Variants in DCAF12 observed in about 807,000 individuals in gnomAD.
The protein encoded by DCAF12 is DDB1- and CUL4-associated factor 12.
In DCAF12, 28 loss-of-function variants were observed where a neutral mutation model predicts 52.8. That is an observed-to-expected ratio of 0.53 (90% CI 0.39 to 0.73). The LOEUF is 0.73. Ranked by LOEUF, DCAF12 falls within the 30% of genes least tolerant of loss-of-function variation. The pLI, the probability that DCAF12 is intolerant of heterozygous loss-of-function variation, is 0.00. For missense variants in DCAF12, 425 were observed against 552.2 expected, an observed-to-expected ratio of 0.77 and a Z score of 2.31; for synonymous variants, 196 against 215.5, an observed-to-expected ratio of 0.91 and a Z score of 0.79.
chr9:34,096,933 C>T (rs535756949), intron 5 of DCAF12, 152 bp from the exon 6 acceptor site: 61 of 654,104 alleles, frequency 9.3e-5, no homozygotes, highest in African/African-American at 6.5e-4. Flanking sequence ...ATTACTTCAC[C>T]CTACAGAACC....
At chr9:34,101,564 G>T (rs181518066) in intron 4 of DCAF12, among the ~76,000 whole-genome samples, 89 of 151,280 alleles carry the variant, frequency 5.9e-4, no homozygotes, top group African/African-American at 2.1e-3. Context: ...GGCTAATTTT[G>T]TATTTTTAGT....
chr9:34,099,766 G>C (rs978260526), intron 4 of DCAF12, among the ~76,000 whole-genome samples: 1 of 150,930 alleles, frequency 6.6e-6, no homozygotes, highest in Non-Finnish European at 1.5e-5. Flanking sequence ...GCTAATTTTT[G>C]TATTTTTAGT....
intron 2 of DCAF12, among the ~76,000 whole-genome samples, chr9:34,111,435 A>G (rs1164043243): frequency 1.3e-5 from 2 of 152,198 alleles, no homozygotes; most frequent in Non-Finnish European, 2.9e-5. Context: ...CTTAGACCAT[A>G]TCGCACTGAT....
At chr9:34,123,235 A>AAGAT (rs1398718384) in intron 2 of DCAF12, among the ~76,000 whole-genome samples, 1 of 152,200 alleles carries the variant, frequency 6.6e-6, no homozygotes, top group Admixed American at 6.5e-5. Flanking sequence ...CCCACCTCTG[A>AAGAT]AATCTTCACA....
intron 7 of DCAF12, 76 bp from the exon 8 acceptor site, chr9:34,089,666 A>G (rs1170080644): frequency 1.4e-6 from 2 of 1,436,072 alleles, no homozygotes; most frequent in Non-Finnish European, 1.9e-6. Flanking sequence ...GAATTTCTCC[A>G]ACACTGAGTT....
intron 4 of DCAF12, among the ~76,000 whole-genome samples, chr9:34,103,822 C>G (rs1286808184): frequency 6.6e-6 from 1 of 152,130 alleles, no homozygotes; most frequent in Non-Finnish European, 1.5e-5. Flanking sequence ...GCCTACATAA[C>G]AGAGTGAGAC....
chr9:34,094,777 A>C (rs962153037), intron 6 of DCAF12, among the ~76,000 whole-genome samples: 1 of 151,830 alleles, frequency 6.6e-6, no homozygotes, highest in African/African-American at 2.4e-5. Context: ...CGATCCGCCC[A>C]CCTTGGCCTC....
In DCAF12 at chr9:34,098,437, G is replaced by A. The variant is rs767663746; in HGVS notation, c.682C>T (p.Arg228Trp). The change falls in exon 5 of 9, where the codon CGG (arginine) becomes TGG (tryptophan). Residue 228 changes from arginine (R) to tryptophan (W), a missense_variant. Around this residue, in one of 3 missense-constraint regions of DCAF12, gnomAD observed 328 missense variants for 444.4 expected, o/e 0.74. Transcript: ENST00000361264. ...GTGATGTGTGCATACACAGGGACCCGTGACACATTGTGTCTCGCATCACTT... is the reference window on the plus strand; with the variant it reads ...GTGATGTGTGCATACACAGGGACCCATGACACATTGTGTCTCGCATCACTT... ...TKSDARHNVS[R>W]VPVYAHITHK... The A allele has an allele frequency of 1.2e-6, 2 of 1,614,148 alleles. No homozygotes were observed. The highest frequency in any genetic ancestry group is 2.2e-5 in the East Asian group (1 of 44,884).
chr9:34,125,605 C>G (rs1250687355), intron 1 of DCAF12: 4 of 483,390 alleles, frequency 8.3e-6, no homozygotes, highest in Admixed American at 4.7e-5. Context: ...ATTCCCATAC[C>G]GACATGGGCT....
rs1453954009 is a variant in DCAF12, at chr9:34,098,394, T to C, written c.725A>G (p.Asp242Gly). The C allele has an allele frequency of 1.9e-6, 3 of 1,614,126 alleles. No homozygotes were observed. Among genetic ancestry groups the C allele is most frequent in the Non-Finnish European group, 2.5e-6 (3 of 1,180,050 alleles). ...AGGGTTTGTGTCTTCTTTGGGGATG[T>C]CCTTTAAGGCCTTGTGAGTGATGTG... is the stretch of plus-strand genomic sequence containing the variant. ...YAHITHKALKDIPKEDTNPDN... is the reference protein window; with the variant it reads ...YAHITHKALKGIPKEDTNPDN... The change falls in exon 5 of 9, where the codon GAC becomes GGC. Residue 242 changes from aspartate (D) to glycine (G), a missense_variant. Asp to Gly is a moderately conservative substitution (Grantham distance 94, BLOSUM62 -1). Around this residue, in one of 3 missense-constraint regions of DCAF12, gnomAD observed 328 missense variants for 444.4 expected, o/e 0.74. Transcript: ENST00000361264.
Position 34,095,140 on chromosome 9 carries a change from T to A in DCAF12, c.861+1576A>T, listed in dbSNP as rs540099121. Among the ~76,000 whole-genome samples the A allele has an allele frequency of 5.6e-4, 85 of 151,822 alleles. 1 individual carries two copies. Among genetic ancestry groups the A allele is most frequent in the Admixed American group, 4.8e-3 (73 of 15,212 alleles). Reference sequence around the variant, plus strand: ...GCCAGGCTGGAGTGCAGTGGCATGATCTCGGCTCACTGCAACCTCTGCCTC... The same window carrying A: ...GCCAGGCTGGAGTGCAGTGGCATGAACTCGGCTCACTGCAACCTCTGCCTC... On this transcript the variant is annotated intron_variant, in intron 6 of 8. Coordinates refer to ENST00000361264, the MANE Select transcript of DCAF12 (RefSeq NM_015397.4).
intron 5 of DCAF12, 53 bp from the exon 6 acceptor site, chr9:34,096,834 C>T (rs1247873476): frequency 2.4e-5 from 37 of 1,525,114 alleles, no homozygotes; most frequent in Non-Finnish European, 3.1e-5. Flanking sequence ...AACTAATGTA[C>T]GATAATAAGC....
At chr9:34,107,633 C>A in intron 2 of DCAF12, 68 bp from the exon 3 acceptor site, 1 of 1,360,284 alleles carries the variant, frequency 7.4e-7, no homozygotes, top group South Asian at 1.2e-5. Context: ...TATAAACATC[C>A]TTTTGTTCAA....
intron 2 of DCAF12, chr9:34,109,953 TG>T: frequency 4.6e-6 from 1 of 216,150 alleles, no homozygotes. Flanking sequence ...ACACCTTGGG[TG>T]GGGGCATTAC....
chr9:34,088,656 T>C (rs955847069), intron 8 of DCAF12, 148 bp from the exon 9 acceptor site: 13 of 833,668 alleles, frequency 1.6e-5, no homozygotes, highest in Non-Finnish European at 1.1e-5. Flanking sequence ...TGGTTGGTTC[T>C]CATGGGAATC....
chr9:34,126,647 A>C lies in DCAF12; in HGVS notation c.-216T>G, dbSNP rs1829256537. 5.1e-6 allele frequency: 3 copies of C among 590,204 alleles called. No homozygotes were observed. The highest frequency in any genetic ancestry group is 1.9e-5 in the African/African-American group (1 of 52,624). The allele number at this position is 590,204 out of a possible 1,614,324, so 36.6% of individuals were successfully genotyped here. Reference sequence around the variant, plus strand: ...GCCGGGAAAGGGAAGGGGAAGCGAGAATGAGCGGCTTTCCGACGGCAGAGC... The same window carrying C: ...GCCGGGAAAGGGAAGGGGAAGCGAGCATGAGCGGCTTTCCGACGGCAGAGC... On this transcript the variant is annotated 5_prime_UTR_variant, in exon 1 of 9. In the 5' UTR this introduces an upstream ATG that the reference lacks. Transcript: ENST00000361264.
chr9:34,120,680 AAAAAAAAG>A (rs1391633660), intron 2 of DCAF12, among the ~76,000 whole-genome samples: 1 of 151,130 alleles, frequency 6.6e-6, no homozygotes, highest in Non-Finnish European at 1.5e-5. Flanking sequence ...AAAAAAAAAA[AAAAAAAAG>A]AAAACAAAGC....
At chr9:34,099,688 G>T (rs921433141) in intron 4 of DCAF12, among the ~76,000 whole-genome samples, 1 of 151,632 alleles carries the variant, frequency 6.6e-6, no homozygotes, top group African/African-American at 2.4e-5. Context: ...CCACCTCCCG[G>T]GTTCAAGCGA....
At chr9:34,097,162 G>T (rs186084356) in intron 5 of DCAF12, among the ~76,000 whole-genome samples, 1 of 152,084 alleles carries the variant, frequency 6.6e-6, no homozygotes, top group African/African-American at 2.4e-5. Context: ...AATACAGATG[G>T]GATAGGAGGT....
Sources: gnomAD v4.1 joint callset for allele counts (sites outside exome capture counted in the v4.1 genomes callset) on GRCh38, gnomAD v4.1.1 for gene constraint, gnomAD v4.1.1 regional missense constraint, MANE v1.5 for transcripts, NCBI Gene and HGNC (gene_info 2026-07-23, HGNC 2026-07-21) for gene names.